The following PPP3R1 variants were observed in gnomAD, a reference collection of about 807,000 sequenced individuals.
PPP3R1 encodes the protein calcineurin subunit B type 1.
Under a neutral mutation model 22.6 loss-of-function variants are expected in PPP3R1, and 5 were observed. The observed-to-expected ratio is 0.22, with a 90% confidence interval of 0.12 to 0.46. The LOEUF (loss-of-function observed/expected upper bound fraction) is 0.46. Among genes scored for constraint, PPP3R1 ranks in the 20% least tolerant of loss-of-function variants. The probability of loss-of-function intolerance (pLI) is 0.99; values close to 1 mark genes in which losing one functional copy is unlikely to be tolerated. For missense variants in PPP3R1, 61 were observed against 203.2 expected (o/e 0.30, Z 4.25); for synonymous variants, 56 against 65.2 (o/e 0.86, Z 0.68).
intron 1 of PPP3R1, among the ~76,000 whole-genome samples, chr2:68,227,580 G>GA (rs748780568): frequency 0.052 from 7,396 of 141,650 alleles, 549 homozygotes; most frequent in African/African-American, 0.17. Context: ...TTTTAGGAGG[G>GA]AAAAAAAAAA....
rs187195367 is a variant in PPP3R1 at position 68,209,554 on chromosome 2, G to A, written c.43+7538C>T. Among the ~76,000 whole-genome samples the A allele has an allele frequency of 3.3e-5, 5 of 151,832 alleles. No homozygotes were observed. The East Asian group carries it at 9.7e-4, about 29-fold the overall frequency. On this transcript the variant is annotated intron_variant, in intron 2 of 5. Transcript: ENST00000234310. ...GGATTGTTTGAGCCCAGAAGTTTGAGACAAGCCTGGTAACATAATAAAACC... is the reference window on the plus strand; with the variant it reads ...GGATTGTTTGAGCCCAGAAGTTTGAAACAAGCCTGGTAACATAATAAAACC...
chr2:68,190,562 G>A (rs990954177), intron 2 of PPP3R1, among the ~76,000 whole-genome samples: 4 of 151,902 alleles, frequency 2.6e-5, no homozygotes, highest in African/African-American at 4.8e-5. Context: ...GGGAAACTCC[G>A]TCTCAAAAAA....
rs989059109 is a variant in PPP3R1, at chr2:68,231,112, C to T, written c.4-13981G>A. On this transcript the variant is annotated intron_variant, in intron 1 of 5. Coordinates refer to ENST00000234310, the MANE Select transcript of PPP3R1 (RefSeq NM_000945.4). ...TCTTCCTCTCCTTCTGTGACTCTAA[C>T]GACACAAGTGTTAAATCTTTTTATA... Among the ~76,000 whole-genome samples the T allele has an allele frequency of 3.3e-5, 5 of 152,126 alleles. No homozygotes were observed. In the East Asian group the frequency reaches 5.8e-4, roughly 18 times the overall value.
At chr2:68,237,967 C>G (rs1670048788) in intron 1 of PPP3R1, among the ~76,000 whole-genome samples, 1 of 152,066 alleles carries the variant, frequency 6.6e-6, no homozygotes, top group Admixed American at 6.6e-5. Context: ...AAGTAACAAC[C>G]TGACATATAA....
Position 68,216,853 on chromosome 2 carries a change from T to C in PPP3R1, c.43+239A>G, listed in dbSNP as rs139757447. Among the ~76,000 whole-genome samples, 415 of 152,328 alleles carry C rather than the reference T, an allele frequency of 2.7e-3. 2 individuals carry two copies. Among genetic ancestry groups the C allele is most frequent in the African/African-American group, 6.2e-3 (259 of 41,576 alleles). ...AGATTTCAGGGTTTAATTATAACTA[T>C]AGTACAGTGTAGATATGAGTAATAA... is the stretch of plus-strand genomic sequence containing the variant. On this transcript the variant is annotated intron_variant, in intron 2 of 5. Coordinates refer to ENST00000234310, the MANE Select transcript of PPP3R1 (RefSeq NM_000945.4).
At chr2:68,246,177 T>A (rs1159176236) in intron 1 of PPP3R1, among the ~76,000 whole-genome samples, 1 of 146,712 alleles carries the variant, frequency 6.8e-6, no homozygotes, top group Non-Finnish European at 1.5e-5. Flanking sequence ...CGGGTTCAAG[T>A]GATTCTCCTG....
intron 2 of PPP3R1, among the ~76,000 whole-genome samples, chr2:68,197,297 C>T (rs1306859665): frequency 1.3e-5 from 2 of 152,116 alleles, no homozygotes; most frequent in Non-Finnish European, 2.9e-5. Context: ...ACAGTAGGTA[C>T]TCGCGTCTAT....
chr2:68,225,288 G>T (rs959700745), intron 1 of PPP3R1, among the ~76,000 whole-genome samples: 4 of 152,194 alleles, frequency 2.6e-5, no homozygotes, highest in Admixed American at 2.6e-4. Context: ...AATTTTCCCT[G>T]TGTGGTCTAA....
rs1670389993 is a variant in PPP3R1 at position 68,252,428 on chromosome 2, G to A, written c.-301C>T. ...AGAGAAGAAGAAAGGAGGGGGAGAG[G>A]GGGCGAAGACGGCCGGGAAACTCGG... On this transcript the variant is annotated 5_prime_UTR_variant, in exon 1 of 6. Transcript: ENST00000234310. 2.0e-6 allele frequency: 2 copies of A among 994,548 alleles called. No individual in the cohort carries two copies. The highest frequency in any genetic ancestry group is 2.4e-6 in the Non-Finnish European group (2 of 836,724). 61.6% of individuals were successfully genotyped at this position (994,548 alleles called of 1,614,324 possible).
At chr2:68,196,740 T>C (rs74434844) in intron 2 of PPP3R1, among the ~76,000 whole-genome samples, 3,412 of 152,282 alleles carry the variant, frequency 0.022, 85 homozygotes, top group Non-Finnish European at 0.037. Context: ...GCTATTTTTT[T>C]TTTTAATGGA....
At position 68,219,161 on chromosome 2, in the gene PPP3R1, C is replaced by G. The variant is rs75255747; in HGVS notation, c.4-2030G>C. ...GTAAAGTCCTTTAATTAAGAGAACT[C>G]GTATCTCTGTAGTCACTCTCCCAAA... On this transcript the variant is annotated intron_variant, in intron 1 of 5. Coordinates refer to ENST00000234310, the MANE Select transcript of PPP3R1 (RefSeq NM_000945.4). Among the ~76,000 whole-genome samples, 328 of 152,188 alleles carry G rather than the reference C, an allele frequency of 2.2e-3. 1 individual carries two copies. Among genetic ancestry groups the G allele is most frequent in the African/African-American group, 7.6e-3 (314 of 41,512 alleles).
rs1255613530 is a variant in PPP3R1, at chr2:68,252,308, A to G, written c.-181T>C. 9.8e-7 allele frequency: 1 copy of G among 1,023,736 alleles called. No homozygotes were observed. Among genetic ancestry groups the G allele is most frequent in the Non-Finnish European group, 1.2e-6 (1 of 856,702 alleles). 63.4% of individuals were successfully genotyped at this position (1,023,736 alleles called of 1,614,324 possible). ...GCCCGCGCCGGCCGGGCGATTGGGCACGCGAGGGAGCGGGCAGGGTAGGGG... is the reference window on the plus strand; with the variant it reads ...GCCCGCGCCGGCCGGGCGATTGGGCGCGCGAGGGAGCGGGCAGGGTAGGGG... On this transcript the variant is annotated 5_prime_UTR_variant, in exon 1 of 6. Coordinates refer to ENST00000234310, the MANE Select transcript of PPP3R1 (RefSeq NM_000945.4).
chr2:68,210,545 A>T (rs1355045333), intron 2 of PPP3R1, among the ~76,000 whole-genome samples: 1 of 152,230 alleles, frequency 6.6e-6, no homozygotes, highest in African/African-American at 2.4e-5. Flanking sequence ...TAAGTCAGAC[A>T]ACCAATCTAG....
chr2:68,197,016 C>T (rs899944807), intron 2 of PPP3R1, among the ~76,000 whole-genome samples: 1 of 152,180 alleles, frequency 6.6e-6, no homozygotes. Context: ...TGAGGCACAA[C>T]GCCTGGCCTA....
In PPP3R1 at chr2:68,252,497, T is replaced by C; in HGVS notation, c.-370A>G. 2 of 968,742 alleles carry C rather than the reference T, an allele frequency of 2.1e-6. No individual in the cohort carries two copies. Among genetic ancestry groups the C allele is most frequent in the Non-Finnish European group, 2.4e-6 (2 of 827,540 alleles). 60.0% of individuals were successfully genotyped at this position (968,742 alleles called of 1,614,324 possible). On this transcript the variant is annotated 5_prime_UTR_variant, in exon 1 of 6. Coordinates refer to ENST00000234310, the MANE Select transcript of PPP3R1 (RefSeq NM_000945.4). ...CGCGCCGGAGCCGTGACGGACTCAC[T>C]GCAGCGGCTCGCGCTGACCCGCAAC...
At chr2:68,209,306 C>T (rs1669417649) in intron 2 of PPP3R1, among the ~76,000 whole-genome samples, 1 of 118,518 alleles carries the variant, frequency 8.4e-6, no homozygotes, top group Non-Finnish European at 1.6e-5. Flanking sequence ...TTGCAGTGAG[C>T]CGAGATCCCG....
intron 2 of PPP3R1, among the ~76,000 whole-genome samples, chr2:68,216,384 TTCAG>T (rs540066051): frequency 7.9e-4 from 120 of 152,146 alleles, no homozygotes; most frequent in African/African-American, 2.6e-3. Context: ...AAGTTTGCTG[TTCAG>T]TCAGAGAATC....
chr2:68,198,231 A>G (rs981500247), intron 2 of PPP3R1, among the ~76,000 whole-genome samples: 1 of 115,024 alleles, frequency 8.7e-6, no homozygotes, highest in Non-Finnish European at 1.8e-5. Flanking sequence ...TTTTACATAT[A>G]TGTATACACA....
chr2:68,249,178 A>AC (rs1359952494), intron 1 of PPP3R1, among the ~76,000 whole-genome samples: 5 of 152,242 alleles, frequency 3.3e-5, no homozygotes, highest in Non-Finnish European at 1.5e-5. Context: ...ACTGACCCTT[A>AC]GTCAGCTTCT....
Sources: allele counts gnomAD v4.1 joint callset (sites outside exome capture counted in the v4.1 genomes callset), GRCh38; gene constraint gnomAD v4.1.1; transcripts MANE v1.5; gene names NCBI Gene and HGNC (gene_info 2026-07-23, HGNC 2026-07-21).